The following LINGO2 variants were observed in gnomAD, a reference collection of about 807,000 sequenced individuals.
LINGO2 encodes the protein leucine rich repeat and Ig domain containing 2.
LINGO2 carries 14 observed loss-of-function variants against 30.6 expected under a neutral mutation model. The ratio of observed to expected loss-of-function variants is 0.46; its 90% confidence interval spans 0.30 to 0.72. The LOEUF (loss-of-function observed/expected upper bound fraction) is 0.72. Among genes scored for constraint, LINGO2 ranks in the 30% least tolerant of loss-of-function variants. The probability of loss-of-function intolerance (pLI) is 0.07; values close to 1 mark genes in which losing one functional copy is unlikely to be tolerated. For missense variants in LINGO2, 729 were observed against 751.7 expected (o/e 0.97, Z 0.35); for synonymous variants, 317 against 288.5 (o/e 1.10, Z -1.00).
At chr9:28,838,574 C>T in the LINGO2 span, among the ~76,000 whole-genome samples, 10 of 152,152 alleles carry the variant, frequency 6.6e-5, no homozygotes, top group East Asian at 1.9e-4. Flanking sequence ...CAGTCTTTAT[C>T]GTTCTCTTAT....
intron 4 of LINGO2, among the ~76,000 whole-genome samples, chr9:28,228,804 A>T (rs958515976): frequency 3.2e-4 from 49 of 151,768 alleles, no homozygotes; most frequent in Admixed American, 5.9e-4. Flanking sequence ...AATATTTTGG[A>T]ATTATTTTTT....
chr9:28,990,949 G>C, the LINGO2 span, among the ~76,000 whole-genome samples: 78,220 of 151,992 alleles, frequency 0.51, 21,245 homozygotes, highest in Non-Finnish European at 0.6. Context: ...ACTCTAAAAA[G>C]CAGAGCACTT....
the LINGO2 span, among the ~76,000 whole-genome samples, chr9:28,761,638 A>G: frequency 6.6e-6 from 1 of 151,958 alleles, no homozygotes; most frequent in Non-Finnish European, 1.5e-5. Flanking sequence ...AAGAAAAGTG[A>G]CATCTATTAG....
At chr9:27,949,139 C>G (rs201237761) in exon 6 of LINGO2, 5 of 1,613,950 alleles carry the variant, frequency 3.1e-6, no homozygotes, top group African/African-American at 1.3e-5. Flanking sequence ...GGGTCCTGTT[C>G]GCATAAAGAA....
At chr9:28,031,182 C>T (rs907918506) in intron 4 of LINGO2, among the ~76,000 whole-genome samples, 2 of 151,704 alleles carry the variant, frequency 1.3e-5, no homozygotes, top group South Asian at 2.1e-4. Flanking sequence ...TCCTGGAGGC[C>T]GAGACTATAT....
intron 1 of LINGO2, among the ~76,000 whole-genome samples, chr9:28,601,889 G>A (rs1049446583): frequency 2.6e-5 from 4 of 152,050 alleles, no homozygotes; most frequent in Admixed American, 6.6e-5. Flanking sequence ...AAAAAAGGCA[G>A]ATTGAGAGTA....
At chr9:28,384,207 C>T (rs996682713) in intron 2 of LINGO2, among the ~76,000 whole-genome samples, 1 of 151,156 alleles carries the variant, frequency 6.6e-6, no homozygotes, top group African/African-American at 2.4e-5. Flanking sequence ...AAAACAAAAA[C>T]TAGGAAGTTG....
At chr9:28,452,800 C>T (rs368677218) in intron 2 of LINGO2, among the ~76,000 whole-genome samples, 1 of 151,598 alleles carries the variant, frequency 6.6e-6, no homozygotes, top group Non-Finnish European at 1.5e-5. Context: ...CATATATGTA[C>T]AAACATGGGT....
intron 4 of LINGO2, among the ~76,000 whole-genome samples, chr9:28,207,991 T>C (rs943254615): frequency 4.6e-5 from 7 of 152,062 alleles, no homozygotes; most frequent in African/African-American, 1.7e-4. Flanking sequence ...CTTTTTGGCT[T>C]ATGTGAATAT....
At chr9:28,657,855 G>C (rs1218886599) in intron 1 of LINGO2, among the ~76,000 whole-genome samples, 1 of 148,960 alleles carries the variant, frequency 6.7e-6, no homozygotes, top group African/African-American at 2.6e-5. Context: ...GTTGATTTGA[G>C]ATATTTCTTC....
chr9:28,989,924 G>A, the LINGO2 span, among the ~76,000 whole-genome samples: 7 of 152,200 alleles, frequency 4.6e-5, no homozygotes, highest in African/African-American at 1.7e-4. Context: ...CAAGATGGCA[G>A]AATAGGAACA....
At chr9:28,842,586 T>C in the LINGO2 span, among the ~76,000 whole-genome samples, 2 of 151,842 alleles carry the variant, frequency 1.3e-5, no homozygotes, top group Non-Finnish European at 2.9e-5. Context: ...TGTAAACTCA[T>C]TGGTCATTCT....
At chr9:28,791,309 T>C in the LINGO2 span, among the ~76,000 whole-genome samples, 5 of 152,090 alleles carry the variant, frequency 3.3e-5, no homozygotes, top group Admixed American at 3.3e-4. Context: ...GTGTTCTATA[T>C]CTGTATGTAA....
chr9:28,864,014 G>A, the LINGO2 span, among the ~76,000 whole-genome samples: 1 of 152,012 alleles, frequency 6.6e-6, no homozygotes, highest in African/African-American at 2.4e-5. Context: ...AAATAAAAGG[G>A]CATGGTTATT....
rs149319454 is a variant in LINGO2 at position 28,000,856 on chromosome 9, G to A, written c.-36+11499C>T. Among the ~76,000 whole-genome samples the A allele has an allele frequency of 1.4e-3, 216 of 152,320 alleles. 1 individual carries two copies. The highest frequency in any genetic ancestry group is 4.9e-3 in the African/African-American group (202 of 41,582). ...CTCTCAAGTTGGGAGCCACTGTACT[G>A]TGAAGTACCTAAAATTAATACAAAA... On this transcript the variant is annotated intron_variant, in intron 5 of 5. Transcript: ENST00000379992.
intron 4 of LINGO2, among the ~76,000 whole-genome samples, chr9:28,274,897 A>G (rs1201836314): frequency 1.3e-5 from 2 of 152,306 alleles, no homozygotes; most frequent in African/African-American, 4.8e-5. Flanking sequence ...CTTTAGCACA[A>G]TCTCTAAAAC....
the LINGO2 span, among the ~76,000 whole-genome samples, chr9:28,974,142 C>T: frequency 6.6e-6 from 1 of 152,194 alleles, no homozygotes; most frequent in African/African-American, 2.4e-5. Flanking sequence ...GGTGTGGTGG[C>T]TCACACCTGT....
chr9:28,796,821 T>G, the LINGO2 span, among the ~76,000 whole-genome samples: 1 of 151,826 alleles, frequency 6.6e-6, no homozygotes, highest in African/African-American at 2.4e-5. Context: ...GCATCCAATA[T>G]AATGTTAAAG....
chr9:28,835,865 C>T, the LINGO2 span, among the ~76,000 whole-genome samples: 1 of 152,132 alleles, frequency 6.6e-6, no homozygotes, highest in African/African-American at 2.4e-5. Flanking sequence ...CATTTTCTTT[C>T]TATTACTGCA....
Sources: gnomAD v4.1 joint callset for allele counts (sites outside exome capture counted in the v4.1 genomes callset) on GRCh38, gnomAD v4.1.1 for gene constraint, MANE v1.5 for transcripts, NCBI Gene and HGNC (gene_info 2026-07-23, HGNC 2026-07-21) for gene names.